Variants in MAP3K20 observed in about 807,000 individuals in gnomAD.
MAP3K20 encodes the protein mitogen-activated protein kinase kinase kinase 20.
MAP3K20 carries 40 observed loss-of-function variants against 85.7 expected under a neutral mutation model. The ratio of observed to expected loss-of-function variants is 0.47; its 90% CI spans 0.36 to 0.61. The LOEUF (loss-of-function observed/expected upper bound fraction) is 0.61, where lower values mean the gene tolerates loss of function less well. Among genes scored for constraint, MAP3K20 ranks in the 20% least tolerant of loss-of-function variants. The probability of loss-of-function intolerance (pLI) is 0.00; values close to 1 mark genes in which losing one functional copy is unlikely to be tolerated. For missense variants in MAP3K20, 817 were observed against 961.7 expected, an observed-to-expected ratio of 0.85 and a Z score of 1.99; for synonymous variants, 325 against 327.7, an observed-to-expected ratio of 0.99 and a Z score of 0.09.
intron 2 of MAP3K20, among the ~76,000 whole-genome samples, chr2:173,147,610 C>T (rs894376117): frequency 2.0e-5 from 3 of 152,008 alleles, no homozygotes; most frequent in African/African-American, 4.8e-5. Flanking sequence ...TTTTTTGAGA[C>T]GGAGTCTCAC....
chr2:173,241,714 A>G (rs572214817), intron 16 of MAP3K20, among the ~76,000 whole-genome samples: 1 of 152,356 alleles, frequency 6.6e-6, no homozygotes, highest in African/African-American at 2.4e-5. Flanking sequence ...CTAGACATCT[A>G]TGCAAGAATG....
At chr2:173,133,662 C>T (rs1688679215) in intron 2 of MAP3K20, among the ~76,000 whole-genome samples, 1 of 151,982 alleles carries the variant, frequency 6.6e-6, no homozygotes, top group Non-Finnish European at 1.5e-5. Flanking sequence ...CACACATAGC[C>T]CACAACAAGG....
chr2:173,225,030 C>G, intron 11 of MAP3K20: 13 of 983,912 alleles, frequency 1.3e-5, no homozygotes, highest in Non-Finnish European at 1.6e-5. Flanking sequence ...AATTGAATCT[C>G]TCAGTTGTGG....
rs533491332 is a variant in MAP3K20, at chr2:173,198,941, A to C, written c.669+829A>C. ...TTCTCAGCATAAGGATGAAGCATCC[A>C]ATATCAAGGTATTATGAGAACTTAG... On this transcript the variant is annotated intron_variant, in intron 8 of 19. Coordinates refer to ENST00000375213, the MANE Select transcript of MAP3K20 (RefSeq NM_016653.3). This position sits in a 1 kb window ranked among gnomAD's most constrained non-coding sequence, Gnocchi z 5.8. 3.3e-5 allele frequency: 5 copies of C among 152,734 alleles called. No homozygotes were observed. In the South Asian group the frequency reaches 1.0e-3, roughly 32 times the overall value. The allele number at this position is 152,734 out of a possible 1,614,324, so 9.5% of individuals were successfully genotyped here. A position where few individuals can be genotyped will look rare whatever the true frequency, so the allele number is the denominator to read the frequency against.
At chr2:173,246,507 T>C (rs1325134328) in intron 16 of MAP3K20, among the ~76,000 whole-genome samples, 1 of 152,160 alleles carries the variant, frequency 6.6e-6, no homozygotes, top group Non-Finnish European at 1.5e-5. Context: ...ATTATATCTC[T>C]TATCAGCTCA....
At position 173,178,366 on chromosome 2, in the gene MAP3K20, G is replaced by C. The variant is rs182294539; in HGVS notation, c.248-4488G>C. Among the ~76,000 whole-genome samples, 188 of 152,340 alleles carry C rather than the reference G, an allele frequency of 1.2e-3. 3 individuals carry two copies. Among genetic ancestry groups the C allele is most frequent in the Middle Eastern group, 3.4e-3 (1 of 294 alleles). On this transcript the variant is annotated intron_variant, in intron 3 of 19. Coordinates refer to ENST00000375213, the MANE Select transcript of MAP3K20 (RefSeq NM_016653.3). ...TATAATTTAAAAATTGAATTAGGCT[G>C]GGCGCAGTGGCTCCAGCCTGTAATC...
chr2:173,255,471 G>A (rs960001529), intron 16 of MAP3K20, among the ~76,000 whole-genome samples: 2 of 152,140 alleles, frequency 1.3e-5, no homozygotes, highest in African/African-American at 2.4e-5. Context: ...TTTCTCATTC[G>A]TCTAAAGGGA....
At chr2:173,179,445 G>A (rs558942959) in intron 3 of MAP3K20, among the ~76,000 whole-genome samples, 1 of 151,484 alleles carries the variant, frequency 6.6e-6, no homozygotes, top group African/African-American at 2.4e-5. Context: ...GGAATAAAAG[G>A]GAATTTTTCC....
chr2:173,156,465 T>C (rs1689473920), intron 2 of MAP3K20, among the ~76,000 whole-genome samples: 1 of 152,126 alleles, frequency 6.6e-6, no homozygotes, highest in Non-Finnish European at 1.5e-5. Context: ...CCCAACCTTT[T>C]TGGCATCAGG....
chr2:173,115,896 G>C (rs1273294766), intron 2 of MAP3K20, among the ~76,000 whole-genome samples: 1 of 152,022 alleles, frequency 6.6e-6, no homozygotes, highest in Non-Finnish European at 1.5e-5. Context: ...TTTTGGCCCA[G>C]TTCTGCAGGC....
At chr2:173,238,793 C>T (rs868497705) in intron 15 of MAP3K20, among the ~76,000 whole-genome samples, 1 of 152,162 alleles carries the variant, frequency 6.6e-6, no homozygotes, top group Non-Finnish European at 1.5e-5. Context: ...CGATCGTCAA[C>T]TTTCATAGGG....
At chr2:173,188,061 G>A (rs1690540657) in intron 5 of MAP3K20, among the ~76,000 whole-genome samples, 1 of 152,140 alleles carries the variant, frequency 6.6e-6, no homozygotes, top group Non-Finnish European at 1.5e-5. Context: ...TGAATTGCGT[G>A]GTGTGAATTG....
At chr2:173,127,258 AT>A (rs1303059927) in intron 2 of MAP3K20, among the ~76,000 whole-genome samples, 6 of 152,242 alleles carry the variant, frequency 3.9e-5, no homozygotes, top group African/African-American at 1.4e-4. Context: ...TTTCCTCTTC[AT>A]TTAAGAATTC....
At chr2:173,225,789 T>A in intron 11 of MAP3K20, 1 of 985,204 alleles carries the variant, frequency 1.0e-6, no homozygotes, top group Non-Finnish European at 1.2e-6. Flanking sequence ...CGTGGCTTTA[T>A]CTTAAATCAC....
chr2:173,134,247 G>C (rs1041769717), intron 2 of MAP3K20, among the ~76,000 whole-genome samples: 1 of 141,036 alleles, frequency 7.1e-6, no homozygotes, highest in South Asian at 2.3e-4. Context: ...CTGGAGTGCC[G>C]TGGCGTGATT....
chr2:173,238,342 C>A, intron 14 of MAP3K20, 31 bp from the exon 15 acceptor site: 1 of 1,572,758 alleles, frequency 6.4e-7, no homozygotes, highest in Non-Finnish European at 8.7e-7. Context: ...ATTACTGGAT[C>A]ATTAATAAAG....
chr2:173,145,590 G>T lies in MAP3K20; in HGVS notation c.160-24215G>T, dbSNP rs1437912632. On this transcript the variant is annotated intron_variant, in intron 2 of 19. Coordinates refer to ENST00000375213, the MANE Select transcript of MAP3K20 (RefSeq NM_016653.3). Reference sequence around the variant, plus strand: ...GACCCATTTCACCCAGACTAGAAAGGCTAAAATTTAAAAAACCCAAAACAC... The same window carrying T: ...GACCCATTTCACCCAGACTAGAAAGTCTAAAATTTAAAAAACCCAAAACAC... Among the ~76,000 whole-genome samples the T allele has an allele frequency of 1.4e-4, 22 of 152,072 alleles. 1 individual carries two copies. The highest frequency in any genetic ancestry group is 1.4e-3 in the Admixed American group (22 of 15,264).
chr2:173,182,794 G>A, intron 3 of MAP3K20, 60 bp from the exon 4 acceptor site: 6 of 1,165,064 alleles, frequency 5.1e-6, no homozygotes, highest in Non-Finnish European at 1.2e-6. Flanking sequence ...AAAATATAAA[G>A]TCTTATTTCT....
At chr2:173,186,243 C>A (rs1056131171) in intron 4 of MAP3K20, among the ~76,000 whole-genome samples, 7 of 152,128 alleles carry the variant, frequency 4.6e-5, no homozygotes, top group Admixed American at 4.6e-4. Context: ...TATACAGATT[C>A]TACCTGAAAA....
Sources: gnomAD v4.1 joint callset for allele counts (sites outside exome capture counted in the v4.1 genomes callset) on GRCh38, gnomAD v4.1.1 for gene constraint, Gnocchi (gnomAD v3.1) non-coding constraint, MANE v1.5 for transcripts, NCBI Gene and HGNC (gene_info 2026-07-23, HGNC 2026-07-21) for gene names.